The following SGCD variants were observed in gnomAD, a reference collection of about 807,000 sequenced individuals.
SGCD encodes the protein sarcoglycan delta.
In SGCD, 18 loss-of-function variants were observed where a neutral mutation model predicts 36.6. That is an observed-to-expected ratio of 0.49 (90% CI 0.34 to 0.73). The LOEUF (loss-of-function observed/expected upper bound fraction) is 0.73. SGCD is among the 30% of genes least tolerant of loss of function. The probability of loss-of-function intolerance (pLI) is 0.01; values close to 1 mark genes in which losing one functional copy is unlikely to be tolerated. For synonymous variants in SGCD, 133 were observed against 130.6 expected (o/e 1.02, Z -0.12); for missense variants, 387 against 346.7 (o/e 1.12, Z -0.92).
intron 3 of SGCD, among the ~76,000 whole-genome samples, chr5:156,503,748 A>G (rs541873259): frequency 2.0e-5 from 3 of 152,338 alleles, no homozygotes; most frequent in South Asian, 2.1e-4. Flanking sequence ...CATTGAAGAG[A>G]TGACATGAGA....
At chr5:156,097,115 G>A (rs575809601) in intron 1 of SGCD, among the ~76,000 whole-genome samples, 34 of 151,604 alleles carry the variant, frequency 2.2e-4, no homozygotes, top group African/African-American at 8.2e-4. Context: ...CTCTCTGGCT[G>A]CTTTTAAGAT....
intron 6 of SGCD, among the ~76,000 whole-genome samples, chr5:156,609,874 G>A (rs1452278096): frequency 1.4e-4 from 22 of 152,184 alleles, no homozygotes; most frequent in East Asian, 3.9e-4. Flanking sequence ...CATAGTTCTC[G>A]TGCCATGGTT....
At chr5:156,672,654 CT>C (rs1247134988) in intron 7 of SGCD, among the ~76,000 whole-genome samples, 1 of 152,216 alleles carries the variant, frequency 6.6e-6, no homozygotes, top group Non-Finnish European at 1.5e-5. Flanking sequence ...GTTCTTACTT[CT>C]TCTCTCTCCC....
chr5:156,084,155 A>AT (rs1432246938), intron 1 of SGCD, among the ~76,000 whole-genome samples: 1 of 152,220 alleles, frequency 6.6e-6, no homozygotes, highest in African/African-American at 2.4e-5. Flanking sequence ...TTTGACAGGC[A>AT]TTGCATCAAA....
At chr5:155,805,648 A>G in the SGCD span, among the ~76,000 whole-genome samples, 3 of 152,204 alleles carry the variant, frequency 2.0e-5, no homozygotes, top group Non-Finnish European at 4.4e-5. Context: ...TTAGAGAACA[A>G]AATAGCCTCT....
intron 3 of SGCD, among the ~76,000 whole-genome samples, chr5:156,168,285 C>G (rs1763259391): frequency 6.6e-6 from 1 of 152,036 alleles, no homozygotes; most frequent in South Asian, 2.1e-4. Flanking sequence ...TTCGTTAACT[C>G]ACTAAGTGCT....
chr5:155,736,612 C>G, the SGCD span, among the ~76,000 whole-genome samples: 1 of 152,052 alleles, frequency 6.6e-6, no homozygotes, highest in Non-Finnish European at 1.5e-5. Flanking sequence ...TTGTTAATAA[C>G]TAGACCTAAT....
At chr5:156,537,459 C>CCACCCACACACACACACACA (rs1758163413) in intron 4 of SGCD, among the ~76,000 whole-genome samples, 1 of 125,808 alleles carries the variant, frequency 7.9e-6, no homozygotes, top group Non-Finnish European at 1.7e-5. Context: ...AAGGTAGCAG[C>CCACCCACACACACACACACA]CACACACACA....
the SGCD span, among the ~76,000 whole-genome samples, chr5:155,783,537 A>AT: frequency 0.029 from 4,194 of 145,404 alleles, 65 homozygotes; most frequent in African/African-American, 0.04. Context: ...CTAAAAAGGA[A>AT]TTTTTTTTTT....
At chr5:155,873,750 CA>C (rs1467605314) in intron 1 of SGCD, among the ~76,000 whole-genome samples, 2 of 152,040 alleles carry the variant, frequency 1.3e-5, no homozygotes, top group Admixed American at 1.3e-4. Flanking sequence ...GGATATCTCT[CA>C]AAAAGTTAAA....
At chr5:156,213,847 A>C (rs1159628154) in intron 3 of SGCD, among the ~76,000 whole-genome samples, 1 of 152,060 alleles carries the variant, frequency 6.6e-6, no homozygotes, top group East Asian at 1.9e-4. Context: ...CCTCACATTA[A>C]CAGAATGAAG....
At chr5:156,098,362 GAATT>G (rs1276195529) in intron 1 of SGCD, among the ~76,000 whole-genome samples, 1 of 152,086 alleles carries the variant, frequency 6.6e-6, no homozygotes, top group African/African-American at 2.4e-5. Context: ...CCAAATTCTA[GAATT>G]TTCTGAGAAA....
intron 3 of SGCD, among the ~76,000 whole-genome samples, chr5:156,150,161 C>T (rs990975088): frequency 6.6e-6 from 1 of 152,168 alleles, no homozygotes; most frequent in African/African-American, 2.4e-5. Flanking sequence ...CACCCACCAC[C>T]ACTCTCTCAG....
chr5:155,806,247 T>C, the SGCD span, among the ~76,000 whole-genome samples: 11,867 of 152,220 alleles, frequency 0.078, 939 homozygotes, highest in African/African-American at 0.21. Flanking sequence ...CTCCGCCTCC[T>C]GGGTTCAAGC....
intron 3 of SGCD, among the ~76,000 whole-genome samples, chr5:156,308,717 A>C (rs1229209974): frequency 2.0e-5 from 3 of 152,130 alleles, no homozygotes; most frequent in Admixed American, 2.0e-4. Context: ...CTCACCTGAC[A>C]TGGGGGGATT....
intron 7 of SGCD, among the ~76,000 whole-genome samples, chr5:156,696,099 G>T (rs750376238): frequency 6.6e-6 from 1 of 152,292 alleles, no homozygotes; most frequent in Non-Finnish European, 1.5e-5. Flanking sequence ...TGAGACTCTG[G>T]AACTGTTCAT....
chr5:155,740,544 A>G, the SGCD span, among the ~76,000 whole-genome samples: 3 of 152,208 alleles, frequency 2.0e-5, no homozygotes, highest in Non-Finnish European at 1.5e-5. Context: ...TCAGGATAAT[A>G]TGATAAACTG....
rs900010728 is a variant in SGCD, at chr5:156,344,551, A to T, written c.66A>T (p.Val22=). 1 of 1,611,994 alleles carries T rather than the reference A, an allele frequency of 6.2e-7. No individual in the cohort carries two copies. The highest frequency in any genetic ancestry group is 8.5e-7 in the Non-Finnish European group (1 of 1,178,938). ...STMPGSVGPQ[V]YKVGIYGWRK... The stretch of plus-strand genomic sequence containing the variant: ...TGCCTGGCTCTGTGGGGCCACAGGT[A>T]TACAAGGTGGGGATTTATGGCTGGC... Residue 22 remains valine, a synonymous_variant, in exon 3 of 9, where the codon GTA becomes GTT. Coordinates refer to ENST00000337851, the MANE Select transcript of SGCD (RefSeq NM_000337.6).
chr5:156,468,289 T>C (rs1228778701), intron 3 of SGCD, among the ~76,000 whole-genome samples: 1 of 147,674 alleles, frequency 6.8e-6, no homozygotes, highest in Non-Finnish European at 1.5e-5. Context: ...CACAGTGAGC[T>C]ATGATTGTTT....
Sources: allele counts gnomAD v4.1 joint callset (sites outside exome capture counted in the v4.1 genomes callset), GRCh38; gene constraint gnomAD v4.1.1; transcripts MANE v1.5; gene names NCBI Gene and HGNC (gene_info 2026-07-23, HGNC 2026-07-21).